Variants in PLXNC1 observed in about 807,000 individuals in gnomAD.
PLXNC1 encodes the protein plexin C1.
In PLXNC1, 75 loss-of-function variants were observed where a neutral mutation model predicts 178.2. That is an observed-to-expected ratio of 0.42 (90% CI 0.35 to 0.51). PLXNC1 has a LOEUF of 0.51. Among genes scored for constraint, PLXNC1 ranks in the 20% least tolerant of loss-of-function variants. PLXNC1 has a pLI of 0.02. For missense variants in PLXNC1, 1,503 were observed against 1,984.4 expected (o/e 0.76, Z 4.61); for synonymous variants, 790 against 779.9 (o/e 1.01, Z -0.22).
rs372126096 is a variant in PLXNC1, at chr12:94,169,146, T to C, written c.1063-7T>C. On this transcript the variant is annotated splice_region_variant and splice_polypyrimidine_tract_variant and intron_variant, in intron 1 of 30. Transcript: ENST00000258526. ...TTATTTTTTTGTGCGTTTGTGTGCA[T>C]GTTCAGAAAGAAGGGGATCAACCTG... 5.6e-6 allele frequency: 9 copies of C among 1,612,136 alleles called. No individual in the cohort carries two copies. Among genetic ancestry groups the C allele is most frequent in the Non-Finnish European group, 6.8e-6 (8 of 1,178,914 alleles).
chr12:94,250,208 A>G (rs546370106), intron 14 of PLXNC1, among the ~76,000 whole-genome samples: 2 of 152,280 alleles, frequency 1.3e-5, no homozygotes, highest in Middle Eastern at 3.4e-3. Flanking sequence ...TAGAGAGTTC[A>G]TGGAGACAAC....
intron 4 of PLXNC1, among the ~76,000 whole-genome samples, chr12:94,203,336 A>G (rs1020502920): frequency 1.3e-5 from 2 of 152,248 alleles, no homozygotes; most frequent in South Asian, 4.1e-4. Flanking sequence ...GCACAGTGGC[A>G]TCTACAAGGC....
chr12:94,277,817 G>A lies in PLXNC1; in HGVS notation c.3598-1655G>A, dbSNP rs184403144. ...AAGCCTTTCCCAGCAGCCTGGCCCC[G>A]TGCTAAGCCCTTGAATGCATGATCA... On this transcript the variant is annotated intron_variant, in intron 21 of 30. Transcript: ENST00000258526. 21 of 399,246 alleles carry A rather than the reference G, an allele frequency of 5.3e-5. No homozygotes were observed. The East Asian group carries it at 8.0e-4, about 15-fold the overall frequency. 24.7% of individuals were successfully genotyped at this position (399,246 alleles called of 1,614,324 possible). A position where few individuals can be genotyped will look rare whatever the true frequency, so the allele number is the denominator to read the frequency against.
At chr12:94,204,533 C>A (rs950228111) in intron 4 of PLXNC1, among the ~76,000 whole-genome samples, 1 of 152,232 alleles carries the variant, frequency 6.6e-6, no homozygotes, top group Non-Finnish European at 1.5e-5. Flanking sequence ...TGAGCTTTCC[C>A]AGCAAGTTAT....
intron 14 of PLXNC1, among the ~76,000 whole-genome samples, chr12:94,250,848 G>A (rs368571514): frequency 2.6e-5 from 4 of 151,690 alleles, no homozygotes; most frequent in Admixed American, 2.0e-4. Context: ...GTGAGACCCC[G>A]TCTCTACAAA....
intron 28 of PLXNC1, among the ~76,000 whole-genome samples, chr12:94,302,233 G>A (rs375822675): frequency 2.6e-5 from 4 of 151,992 alleles, no homozygotes; most frequent in South Asian, 2.1e-4. Flanking sequence ...TTTCTTGCAC[G>A]CCCCACATAC....
chr12:94,231,117 T>G (rs2136036734), intron 9 of PLXNC1, among the ~76,000 whole-genome samples: 1 of 152,296 alleles, frequency 6.6e-6, no homozygotes, highest in South Asian at 2.1e-4. Flanking sequence ...GTCCTTCCTG[T>G]TTGCTTAAAC....
At position 94,149,273 on chromosome 12, in the gene PLXNC1, C is replaced by A; in HGVS notation, c.302C>A (p.Pro101His). Residue 101 changes from proline to histidine, a missense_variant, in exon 1 of 31, where the codon CCC becomes CAC. By Grantham distance (77) the Pro-to-His change is moderately conservative. Around this residue, in one of 4 missense-constraint regions of PLXNC1, gnomAD observed 176 missense variants for 180.7 expected, o/e 0.97. Coordinates refer to ENST00000258526, the MANE Select transcript of PLXNC1 (RefSeq NM_005761.3). ...VSLAPPARPR[P>H]GSSFSKLLLP... is the part of the protein sequence containing the mutation. Reference sequence around the variant, plus strand: ...CTGGCGCCCCCCGCGCGGCCCCGGCCCGGGAGCAGCTTCAGCAAGCTGCTG... The same window carrying A: ...CTGGCGCCCCCCGCGCGGCCCCGGCACGGGAGCAGCTTCAGCAAGCTGCTG... 1 of 1,521,948 alleles carries A rather than the reference C, an allele frequency of 6.6e-7. No individual in the cohort carries two copies. The highest frequency in any genetic ancestry group is 1.2e-5 in the South Asian group (1 of 80,824). 94.3% of individuals were successfully genotyped at this position (1,521,948 alleles called of 1,614,324 possible). A position where few individuals can be genotyped will look rare whatever the true frequency, so the allele number is the denominator to read the frequency against.
intron 6 of PLXNC1, among the ~76,000 whole-genome samples, chr12:94,223,238 AC>A (rs1963843797): frequency 6.6e-6 from 1 of 152,182 alleles, no homozygotes. Flanking sequence ...ACATGGTGAA[AC>A]CCCGTCTCAA....
chr12:94,239,619 G>A (rs1173124828), intron 10 of PLXNC1, among the ~76,000 whole-genome samples: 3 of 152,324 alleles, frequency 2.0e-5, no homozygotes, highest in Middle Eastern at 3.4e-3. Context: ...TTAATGATTT[G>A]TGCTTTAGAG....
Position 94,280,098 on chromosome 12 carries a change from G to T in PLXNC1, c.3775+449G>T, listed in dbSNP as rs548439611. ...GGTGTTAACTCTAGCCTGCTAGAAA[G>T]GTCATCTTCCTCTGCTAATCACATC... On this transcript the variant is annotated intron_variant, in intron 22 of 30. Coordinates refer to ENST00000258526, the MANE Select transcript of PLXNC1 (RefSeq NM_005761.3). The T allele has an allele frequency of 1.5e-5, 5 of 324,492 alleles. 1 individual carries two copies. The highest frequency in any genetic ancestry group is 9.9e-5 in the South Asian group (4 of 40,362). 20.1% of individuals were successfully genotyped at this position (324,492 alleles called of 1,614,324 possible). A position where few individuals can be genotyped will look rare whatever the true frequency, so the allele number is the denominator to read the frequency against.
At chr12:94,204,408 A>G (rs1233561749) in intron 4 of PLXNC1, among the ~76,000 whole-genome samples, 1 of 152,246 alleles carries the variant, frequency 6.6e-6, no homozygotes, top group African/African-American at 2.4e-5. Flanking sequence ...GTGAAAAGAC[A>G]TCGCCTGGCA....
At chr12:94,232,249 G>A (rs1196867280) in intron 9 of PLXNC1, among the ~76,000 whole-genome samples, 1 of 152,126 alleles carries the variant, frequency 6.6e-6, no homozygotes, top group Non-Finnish European at 1.5e-5. Flanking sequence ...ACCATGCCCA[G>A]CTAATTTTTT....
intron 13 of PLXNC1, 41 bp downstream of exon 13, chr12:94,248,147 C>T: frequency 6.3e-7 from 1 of 1,596,500 alleles, no homozygotes; most frequent in Non-Finnish European, 8.6e-7. Context: ...CACCCCGACC[C>T]CTTGACTGGA....
At chr12:94,272,609 G>A (rs546903964) in intron 21 of PLXNC1, among the ~76,000 whole-genome samples, 62 of 152,224 alleles carry the variant, frequency 4.1e-4, no homozygotes, top group Non-Finnish European at 8.2e-4. Context: ...CCTTTTGTTC[G>A]GATCGAAGAC....
At chr12:94,250,865 A>G (rs1964666563) in intron 14 of PLXNC1, among the ~76,000 whole-genome samples, 1 of 152,076 alleles carries the variant, frequency 6.6e-6, no homozygotes. Context: ...CAAAAAATTT[A>G]AAAATTAGCC....
At chr12:94,297,444 G>GCCATAAAGTGCTCC in intron 26 of PLXNC1, 21 bp downstream of exon 26, 1 of 1,494,674 alleles carries the variant, frequency 6.7e-7, no homozygotes, top group Non-Finnish European at 9.3e-7. Context: ...TGTTCTGGGA[G>GCCATAAAGTGCTCC]CACTTTATGG....
intron 4 of PLXNC1, among the ~76,000 whole-genome samples, chr12:94,186,932 A>G (rs1338083711): frequency 6.6e-6 from 1 of 152,246 alleles, no homozygotes; most frequent in Non-Finnish European, 1.5e-5. Context: ...TGCGCCGCGC[A>G]GCTGTGGGCC....
At chr12:94,199,158 G>A (rs752816103) in intron 4 of PLXNC1, among the ~76,000 whole-genome samples, 3 of 152,182 alleles carry the variant, frequency 2.0e-5, no homozygotes, top group Non-Finnish European at 2.9e-5. Flanking sequence ...AGACCCAAAG[G>A]GACCCACTCA....
Sources: allele counts gnomAD v4.1 joint callset (sites outside exome capture counted in the v4.1 genomes callset), GRCh38; gene constraint gnomAD v4.1.1; regional missense constraint gnomAD v4.1.1; transcripts MANE v1.5; gene names NCBI Gene and HGNC (gene_info 2026-07-23, HGNC 2026-07-21).